Variants in ARHGEF3 observed in about 807,000 individuals in gnomAD.
ARHGEF3 encodes Rho guanine nucleotide exchange factor 3.
ARHGEF3 carries 28 observed loss-of-function variants against 63.2 expected under a neutral mutation model. The ratio of observed to expected loss-of-function variants is 0.44; its 90% CI spans 0.33 to 0.61. ARHGEF3 has a LOEUF of 0.61. ARHGEF3 is among the 20% of genes least tolerant of loss of function. The pLI is 0.03. For missense variants in ARHGEF3, 533 were observed against 659.3 expected, an observed-to-expected ratio of 0.81 and a Z score of 2.10; for synonymous variants, 266 against 254.2, an observed-to-expected ratio of 1.05 and a Z score of -0.44.
At chr3:56,857,648 T>A (rs1350896470) in intron 4 of ARHGEF3, among the ~76,000 whole-genome samples, 1 of 152,230 alleles carries the variant, frequency 6.6e-6, no homozygotes, top group Non-Finnish European at 1.5e-5. Context: ...AGGATTCCTG[T>A]TGCTTTCTCC....
At chr3:57,009,863 C>G (rs751686620) in intron 2 of ARHGEF3, among the ~76,000 whole-genome samples, 2 of 152,176 alleles carry the variant, frequency 1.3e-5, no homozygotes, top group African/African-American at 2.4e-5. Flanking sequence ...AGCAGCAACA[C>G]AGCATGACAG....
intron 2 of ARHGEF3, among the ~76,000 whole-genome samples, chr3:56,757,725 CTTTTT>C (rs908132883): frequency 7.5e-5 from 11 of 146,202 alleles, no homozygotes; most frequent in African/African-American, 2.8e-4. Flanking sequence ...TATTTTTAGC[CTTTTT>C]TTTTTGTTTT....
At chr3:56,959,589 G>A (rs1417128243) in intron 2 of ARHGEF3, among the ~76,000 whole-genome samples, 2 of 152,168 alleles carry the variant, frequency 1.3e-5, no homozygotes, top group Non-Finnish European at 2.9e-5. Context: ...AACATGTGAT[G>A]TCTGTCAATA....
chr3:56,836,618 C>CA (rs146257958), intron 4 of ARHGEF3, among the ~76,000 whole-genome samples: 16,422 of 152,098 alleles, frequency 0.11, 1,010 homozygotes, highest in Non-Finnish European at 0.13. Context: ...ATACAACAAT[C>CA]AGACAAGATA....
At chr3:57,034,656 CTTTTTTTTT>C (rs34696155) in intron 2 of ARHGEF3, among the ~76,000 whole-genome samples, 2 of 109,516 alleles carry the variant, frequency 1.8e-5, no homozygotes, top group South Asian at 6.0e-4. Context: ...ACTCCAAATT[CTTTTTTTTT>C]TTTTTTTTTT....
At chr3:56,973,942 C>G (rs1701025236) in intron 2 of ARHGEF3, among the ~76,000 whole-genome samples, 1 of 152,130 alleles carries the variant, frequency 6.6e-6, no homozygotes, top group African/African-American at 2.4e-5. Context: ...AAAAATTAGA[C>G]AGTTGTGGTG....
intron 2 of ARHGEF3, among the ~76,000 whole-genome samples, chr3:56,997,345 A>G (rs1702033818): frequency 6.6e-6 from 1 of 152,086 alleles, no homozygotes; most frequent in South Asian, 2.1e-4. Flanking sequence ...CAGGGTCCAC[A>G]TTTGGTCACT....
chr3:56,745,540 G>T, intron 6 of ARHGEF3, 78 bp from the exon 7 acceptor site: 1 of 1,521,794 alleles, frequency 6.6e-7, no homozygotes, highest in East Asian at 2.3e-5. Flanking sequence ...CATTTATTGG[G>T]ACTGAACAAA....
chr3:57,017,219 G>A (rs1055160287), intron 2 of ARHGEF3, among the ~76,000 whole-genome samples: 1 of 152,180 alleles, frequency 6.6e-6, no homozygotes, highest in Non-Finnish European at 1.5e-5. Flanking sequence ...TCTATGCGTG[G>A]AGTTGGCAAA....
chr3:56,964,497 C>T (rs1700410002), intron 2 of ARHGEF3, among the ~76,000 whole-genome samples: 1 of 152,100 alleles, frequency 6.6e-6, no homozygotes, highest in Non-Finnish European at 1.5e-5. Context: ...TGGGTCTGTA[C>T]TCTACTCGTG....
intron 2 of ARHGEF3, among the ~76,000 whole-genome samples, chr3:56,966,489 A>G (rs1374882631): frequency 2.0e-5 from 3 of 152,222 alleles, no homozygotes; most frequent in Non-Finnish European, 4.4e-5. Flanking sequence ...GCAGATTATA[A>G]TAACATATAT....
intron 1 of ARHGEF3, chr3:57,060,589 G>T (rs1057379811): frequency 1.3e-5 from 2 of 152,228 alleles, no homozygotes; most frequent in African/African-American, 4.8e-5. Flanking sequence ...TGTTTGCTGG[G>T]AGTTGAGCTG....
intron 2 of ARHGEF3, among the ~76,000 whole-genome samples, chr3:56,995,571 A>G (rs1701937899): frequency 6.6e-6 from 1 of 150,932 alleles, no homozygotes; most frequent in Non-Finnish European, 1.5e-5. Flanking sequence ...CTGGACTCAA[A>G]GAGGTATTCA....
chr3:56,996,041 C>G (rs1872944), intron 2 of ARHGEF3, among the ~76,000 whole-genome samples: 4 of 152,188 alleles, frequency 2.6e-5, no homozygotes. Flanking sequence ...GAAAAAAACA[C>G]AGGTGACAGT....
chr3:57,033,960 G>T (rs1427273757), intron 2 of ARHGEF3, among the ~76,000 whole-genome samples: 1 of 151,942 alleles, frequency 6.6e-6, no homozygotes, highest in South Asian at 2.1e-4. Flanking sequence ...CAGGAGAATC[G>T]TTTGAACCCA....
At chr3:57,074,293 G>A (rs1384320566) in intron 1 of ARHGEF3, 1 of 1,584,140 alleles carries the variant, frequency 6.3e-7, no homozygotes, top group African/African-American at 1.3e-5. Context: ...CAACATCTGA[G>A]AGTCTGGCAG....
intron 2 of ARHGEF3, among the ~76,000 whole-genome samples, chr3:57,024,778 C>T (rs748125398): frequency 3.9e-5 from 6 of 152,362 alleles, no homozygotes; most frequent in South Asian, 2.1e-4. Context: ...TGAGCCACCG[C>T]GCCCGGCCAA....
intron 3 of ARHGEF3, among the ~76,000 whole-genome samples, chr3:56,910,859 T>C (rs896900461): frequency 2.6e-5 from 4 of 152,296 alleles, no homozygotes; most frequent in East Asian, 1.9e-4. Context: ...ACAGATATTA[T>C]CTTATAAATT....
intron 2 of ARHGEF3, among the ~76,000 whole-genome samples, chr3:56,766,339 G>T (rs576385791): frequency 1.3e-5 from 2 of 152,350 alleles, no homozygotes; most frequent in South Asian, 4.1e-4. Context: ...ATGGAGCAAT[G>T]AGAGGCAGTG....
Sources: gnomAD v4.1 joint callset for allele counts (sites outside exome capture counted in the v4.1 genomes callset) on GRCh38, gnomAD v4.1.1 for gene constraint, MANE v1.5 for transcripts, NCBI Gene and HGNC (gene_info 2026-07-23, HGNC 2026-07-21) for gene names.